The following HS2ST1 variants were observed in gnomAD, a reference collection of about 807,000 sequenced individuals.
HS2ST1 encodes the protein heparan sulfate 2-O-sulfotransferase 1.
Under a neutral mutation model 42.9 loss-of-function variants are expected in HS2ST1, and 18 were observed. The ratio of observed to expected loss-of-function variants is 0.42; its 90% CI spans 0.29 to 0.62. The LOEUF is 0.62. Among genes scored for constraint, HS2ST1 ranks in the 20% least tolerant of loss-of-function variants. HS2ST1 has a pLI of 0.21. For missense variants in HS2ST1, 334 were observed against 433.8 expected (o/e 0.77, Z 2.04); for synonymous variants, 146 against 152.9 (o/e 0.95, Z 0.33).
In HS2ST1 at chr1:86,982,492, G is replaced by A. The variant is rs147846676; in HGVS notation, c.124+67332G>A. ...TTCTTTGTGAACAATATGACTGAAC[G>A]CTTTCAGAAAAAGCCATGTCACCCC... is the stretch of plus-strand genomic sequence containing the variant. On this transcript the variant is annotated intron_variant, in intron 1 of 6. Coordinates refer to ENST00000370550, the MANE Select transcript of HS2ST1 (RefSeq NM_012262.4). 4.5e-3 allele frequency among the ~76,000 whole-genome samples: 679 copies of A among 152,062 alleles called. 7 individuals are homozygous for A. The highest frequency in any genetic ancestry group is 0.015 in the African/African-American group (639 of 41,480).
At chr1:87,042,802 C>T (rs1404681247) in intron 1 of HS2ST1, among the ~76,000 whole-genome samples, 3 of 152,076 alleles carry the variant, frequency 2.0e-5, no homozygotes, top group Non-Finnish European at 2.9e-5. Context: ...TTTTGTAATT[C>T]TGTATGTCTG....
At chr1:87,013,778 C>T (rs1161397512) in intron 1 of HS2ST1, among the ~76,000 whole-genome samples, 1 of 152,168 alleles carries the variant, frequency 6.6e-6, no homozygotes, top group African/African-American at 2.4e-5. Context: ...ATGCATTTAA[C>T]AGCACCCAAG....
chr1:87,057,593 C>A (rs1651002798), intron 1 of HS2ST1, among the ~76,000 whole-genome samples: 1 of 144,926 alleles, frequency 6.9e-6, no homozygotes, highest in African/African-American at 2.5e-5. Context: ...AAGACAAAGT[C>A]TCACTCCCAG....
At chr1:86,926,901 A>G (rs1660433624) in intron 1 of HS2ST1, among the ~76,000 whole-genome samples, 1 of 152,148 alleles carries the variant, frequency 6.6e-6, no homozygotes, top group African/African-American at 2.4e-5. Flanking sequence ...AGAAGTTTCA[A>G]GCGTATGTTA....
Position 87,106,939 on chromosome 1 carries a change from G to C in HS2ST1, c.*2243G>C, listed in dbSNP as rs1273113862. 1 of 152,056 alleles carries C rather than the reference G, an allele frequency of 6.6e-6. No individual in the cohort carries two copies. The highest frequency in any genetic ancestry group is 1.5e-5 in the Non-Finnish European group (1 of 67,950). 9.4% of individuals were successfully genotyped at this position (152,056 alleles called of 1,614,324 possible). A position where few individuals can be genotyped will look rare whatever the true frequency, so the allele number is the denominator to read the frequency against. ...AGGTCAGTAAACTTTCTGTGGAAGGGCCAGAGAGTAAATATTTTAGGCTTT... is the reference window on the plus strand; with the variant it reads ...AGGTCAGTAAACTTTCTGTGGAAGGCCCAGAGAGTAAATATTTTAGGCTTT... On this transcript the variant is annotated 3_prime_UTR_variant, in exon 7 of 7. Transcript: ENST00000370550.
At chr1:87,043,896 A>G (rs999988075) in intron 1 of HS2ST1, among the ~76,000 whole-genome samples, 3 of 152,094 alleles carry the variant, frequency 2.0e-5, no homozygotes, top group East Asian at 1.9e-4. Flanking sequence ...TTGGATTATA[A>G]TAGTAATGTT....
At chr1:87,011,891 C>T (rs1409440802) in intron 1 of HS2ST1, among the ~76,000 whole-genome samples, 2 of 152,150 alleles carry the variant, frequency 1.3e-5, no homozygotes, top group Non-Finnish European at 2.9e-5. Context: ...AGTAGCATAG[C>T]TAGGACATAC....
chr1:87,094,808 G>GT (rs1291249263), intron 4 of HS2ST1, among the ~76,000 whole-genome samples: 5 of 151,796 alleles, frequency 3.3e-5, no homozygotes, highest in African/African-American at 9.7e-5. Flanking sequence ...CTGGGGTTTT[G>GT]TTTTTTTATT....
chr1:87,039,243 C>T (rs984219646), intron 1 of HS2ST1, among the ~76,000 whole-genome samples: 1 of 152,176 alleles, frequency 6.6e-6, no homozygotes, highest in Non-Finnish European at 1.5e-5. Flanking sequence ...AGTATCTTGG[C>T]AGTTCTGGAA....
intron 1 of HS2ST1, among the ~76,000 whole-genome samples, chr1:87,001,108 A>G (rs540707449): frequency 6.6e-6 from 1 of 152,358 alleles, no homozygotes; most frequent in South Asian, 2.1e-4. Flanking sequence ...AAATAGCTGA[A>G]AAATGAGAGC....
chr1:86,922,875 T>C (rs797935), intron 1 of HS2ST1, among the ~76,000 whole-genome samples: 2,410 of 152,314 alleles, frequency 0.016, 65 homozygotes, highest in African/African-American at 0.056. Flanking sequence ...TTACAGTTTT[T>C]ATTACATTTA....
At chr1:86,951,440 A>G (rs2102186618) in intron 1 of HS2ST1, among the ~76,000 whole-genome samples, 1 of 152,370 alleles carries the variant, frequency 6.6e-6, no homozygotes, top group Non-Finnish European at 1.5e-5. Flanking sequence ...CAGTGCATGT[A>G]AAAGTTATGT....
At chr1:86,960,783 A>G (rs1172306190) in intron 1 of HS2ST1, among the ~76,000 whole-genome samples, 2 of 151,880 alleles carry the variant, frequency 1.3e-5, no homozygotes, top group Non-Finnish European at 2.9e-5. Flanking sequence ...CATGCTGGTG[A>G]GTATGTGGAG....
chr1:86,953,617 G>T (rs1647587719), intron 1 of HS2ST1, among the ~76,000 whole-genome samples: 3 of 152,008 alleles, frequency 2.0e-5, no homozygotes, highest in South Asian at 4.2e-4. Context: ...AAAATTAGCT[G>T]GGCATGGTGG....
chr1:87,005,573 A>G (rs1473363270), intron 1 of HS2ST1, among the ~76,000 whole-genome samples: 1 of 152,184 alleles, frequency 6.6e-6, no homozygotes, highest in East Asian at 1.9e-4. Flanking sequence ...TTGTGGATTC[A>G]ATAATTAATG....
At position 87,108,153 on chromosome 1, in the gene HS2ST1, T is replaced by C. The variant is rs1009264539; in HGVS notation, c.*3457T>C. 1 of 152,108 alleles carries C rather than the reference T, an allele frequency of 6.6e-6. No individual in the cohort carries two copies. Among genetic ancestry groups the C allele is most frequent in the Non-Finnish European group, 1.5e-5 (1 of 67,968 alleles). The allele number at this position is 152,108 out of a possible 1,614,324, so 9.4% of individuals were successfully genotyped here. Reference sequence around the variant, plus strand: ...GTATTTGCATTGTTAGAAAACAGTTTGTAGACAATGATTCTTTTTTAATAA... The same window carrying C: ...GTATTTGCATTGTTAGAAAACAGTTCGTAGACAATGATTCTTTTTTAATAA... On this transcript the variant is annotated 3_prime_UTR_variant, in exon 7 of 7. Coordinates refer to ENST00000370550, the MANE Select transcript of HS2ST1 (RefSeq NM_012262.4).
intron 1 of HS2ST1, among the ~76,000 whole-genome samples, chr1:86,996,270 C>T (rs2100564776): frequency 6.6e-6 from 1 of 152,002 alleles, no homozygotes; most frequent in African/African-American, 2.4e-5. Context: ...TGGAAAAACC[C>T]CGTCTCTACT....
chr1:86,993,165 C>T lies in HS2ST1; in HGVS notation c.124+78005C>T, dbSNP rs1302947530. On this transcript the variant is annotated intron_variant, in intron 1 of 6. Coordinates refer to ENST00000370550, the MANE Select transcript of HS2ST1 (RefSeq NM_012262.4). ...GGGGTAGCATGTCCTAAACCCTCAT[C>T]AACTGACTTTCATTTCAAAAGCTTT... 2.5e-6 allele frequency: 4 copies of T among 1,584,526 alleles called. No homozygotes were observed. The East Asian group carries it at 9.0e-5, about 36-fold the overall frequency.
At chr1:86,994,870 C>T (rs1197906600) in intron 1 of HS2ST1, among the ~76,000 whole-genome samples, 1 of 152,034 alleles carries the variant, frequency 6.6e-6, no homozygotes, top group African/African-American at 2.4e-5. Flanking sequence ...TTCTGGAAAT[C>T]TGTTAACTAA....
Sources: gnomAD v4.1 joint callset for allele counts (sites outside exome capture counted in the v4.1 genomes callset) on GRCh38, gnomAD v4.1.1 for gene constraint, MANE v1.5 for transcripts, NCBI Gene and HGNC (gene_info 2026-07-23, HGNC 2026-07-21) for gene names.